The following ZSCAN30 variants were observed in gnomAD, a reference collection of about 807,000 sequenced individuals.
The protein encoded by ZSCAN30 is zinc finger and SCAN domain containing 30.
ZSCAN30 carries 37 observed loss-of-function variants against 44.3 expected under a neutral mutation model. The ratio of observed to expected loss-of-function variants is 0.84; its 90% CI spans 0.64 to 1.10. The LOEUF (loss-of-function observed/expected upper bound fraction) is 1.10, where lower values mean the gene tolerates loss of function less well. Ranked by LOEUF, ZSCAN30 falls within the 50% of genes least tolerant of loss-of-function variation. ZSCAN30 has a pLI of 0.00. For missense variants in ZSCAN30, 549 were observed against 582.6 expected, an observed-to-expected ratio of 0.94 and a Z score of 0.59; for synonymous variants, 181 against 204.6, an observed-to-expected ratio of 0.88 and a Z score of 0.98.
At chr18:35,254,592 T>A in intron 3 of ZSCAN30, 1 of 790,928 alleles carries the variant, frequency 1.3e-6, no homozygotes. Flanking sequence ...AATGAATTAG[T>A]ATTGGAGAAG....
At chr18:35,282,196 TTA>T (rs2044467393) in intron 1 of ZSCAN30, 1 of 152,240 alleles carries the variant, frequency 6.6e-6, no homozygotes, top group Admixed American at 6.5e-5. Context: ...ATAGTTAACT[TTA>T]TATGTCAGTA....
Position 35,276,768 on chromosome 18 carries a change from T to C in ZSCAN30, c.-103-12313A>G, listed in dbSNP as rs937394136. Among the ~76,000 whole-genome samples the C allele has an allele frequency of 2.6e-5, 4 of 152,140 alleles. No individual in the cohort carries two copies. In the East Asian group the frequency reaches 7.7e-4, roughly 29 times the overall value. On this transcript the variant is annotated intron_variant, in intron 1 of 3. Transcript: ENST00000333206. ...CTGCTAGAGCAGTATGGAAGGGAAA[T>C]GTGGGGATGGAGTCCCCACACAGAG...
intron 3 of ZSCAN30, chr18:35,262,738 A>C (rs2044052538): frequency 6.6e-6 from 1 of 152,304 alleles, no homozygotes; most frequent in Admixed American, 6.5e-5. Flanking sequence ...CCAGCTCAGC[A>C]CTGCAGTGGC....
At position 35,253,728 on chromosome 18, in the gene ZSCAN30, G is replaced by C; in HGVS notation, c.1207C>G (p.His403Asp). 1 of 1,614,096 alleles carries C rather than the reference G, an allele frequency of 6.2e-7. No individual in the cohort carries two copies. The highest frequency in any genetic ancestry group is 1.1e-5 in the South Asian group (1 of 91,078). The change falls in exon 4 of 4, where the codon CAT (histidine) becomes GAT (aspartate). Residue 403 changes from histidine to aspartate, a missense_variant. Physicochemically the swap from His to Asp is moderately conservative, Grantham distance 81. Coordinates refer to ENST00000333206, the MANE Select transcript of ZSCAN30 (RefSeq NM_001112734.4). ...AFSRSSALIQHKKIHTGDKSY... is the reference protein window; with the variant it reads ...AFSRSSALIQDKKIHTGDKSY... ...TTATCTCCAGTGTGAATTTTCTTAT[G>C]CTGAATAAGGGCTGAGCTCCGGCTG...
At chr18:35,257,594 G>C in intron 3 of ZSCAN30, 1 of 323,856 alleles carries the variant, frequency 3.1e-6, no homozygotes, top group Non-Finnish European at 5.7e-6. Context: ...TCAGCCTCCA[G>C]AACTGTGAGA....
rs2043640549 is a variant in ZSCAN30 at position 35,252,662 on chromosome 18, A to AGACCAGAT, written c.*780_*787dup. ...ATCCAGGAAGTCTTTAGTGACTCAT[A>AGACCAGAT]GACCAGATTTAGGTATCCCTGCCAT... On this transcript the variant is annotated 3_prime_UTR_variant, in exon 4 of 4. Transcript: ENST00000333206. The AGACCAGAT allele has an allele frequency of 2.0e-5, 3 of 152,190 alleles. No individual in the cohort carries two copies. Among genetic ancestry groups the AGACCAGAT allele is most frequent in the Admixed American group, 2.0e-4 (3 of 15,280 alleles). 9.4% of individuals were successfully genotyped at this position (152,190 alleles called of 1,614,324 possible).
chr18:35,262,470 G>GACT, intron 3 of ZSCAN30: 1 of 152,304 alleles, frequency 6.6e-6, no homozygotes, highest in South Asian at 2.1e-4. Context: ...TGTGATACTG[G>GACT]ACTATTTGCC....
chr18:35,288,539 C>A (rs2044594037), intron 1 of ZSCAN30, among the ~76,000 whole-genome samples: 1 of 152,074 alleles, frequency 6.6e-6, no homozygotes, highest in Non-Finnish European at 1.5e-5. Context: ...ACAGTAAAAA[C>A]CTGGAATAAC....
chr18:35,262,969 C>A, intron 3 of ZSCAN30: 1 of 167,932 alleles, frequency 6.0e-6, no homozygotes, highest in Non-Finnish European at 1.3e-5. Context: ...ATTAAACTTT[C>A]CCTGTTCAAA....
chr18:35,274,192 G>A (rs1188071079), intron 1 of ZSCAN30, among the ~76,000 whole-genome samples: 3 of 152,130 alleles, frequency 2.0e-5, no homozygotes, highest in African/African-American at 7.2e-5. Context: ...ATTTTTGGGG[G>A]CTTTTTTTTG....
intron 1 of ZSCAN30, chr18:35,289,569 A>G (rs2044617002): frequency 1.3e-5 from 2 of 152,078 alleles, no homozygotes; most frequent in African/African-American, 4.8e-5. Context: ...TCATTTCCCA[A>G]GATATTTCCA....
chr18:35,253,637 CT>C lies in ZSCAN30; in HGVS notation c.1297del (p.Arg433GlufsTer117). 6.2e-7 allele frequency: 1 copy of C among 1,614,164 alleles called. No individual in the cohort carries two copies. The highest frequency in any genetic ancestry group is 8.5e-7 in the Non-Finnish European group (1 of 1,180,020). On this transcript the variant is annotated frameshift_variant, in exon 4 of 4. Coordinates refer to ENST00000333206, the MANE Select transcript of ZSCAN30 (RefSeq NM_001112734.4). LOFTEE classifies it high-confidence loss of function. ...GRSSILIEHQ[R>X]IHTGEKPYEC... ...ATAAGGTTTCTCTCCAGTGTGAATT[CT>C]TTGATGTTCAATAAGGATAGAACTC...
rs776303797 is a variant in ZSCAN30, at chr18:35,253,663, C to A, written c.1272G>T (p.Arg424Ser). 1 of 1,614,024 alleles carries A rather than the reference C, an allele frequency of 6.2e-7. No homozygotes were observed. The highest frequency in any genetic ancestry group is 1.1e-5 in the South Asian group (1 of 91,066). ...ECIACGKAFG[R>S]SSILIEHQRI... ...TTTGATGTTCAATAAGGATAGAACT[C>A]CTACCAAAAGCCTTACCACATGCAA... The change falls in exon 4 of 4, where the codon AGG becomes AGT. Residue 424 changes from arginine (R) to serine (S), a missense_variant. By Grantham distance (110) the Arg-to-Ser change is moderately radical. Coordinates refer to ENST00000333206, the MANE Select transcript of ZSCAN30 (RefSeq NM_001112734.4).
At position 35,254,278 on chromosome 18, in the gene ZSCAN30, TG is replaced by T. The variant is rs1330406348; in HGVS notation, c.656del (p.Thr219AsnfsTer6). On this transcript the variant is annotated frameshift_variant, in exon 4 of 4. Coordinates refer to ENST00000333206, the MANE Select transcript of ZSCAN30 (RefSeq NM_001112734.4). LOFTEE classifies it high-confidence loss of function. ...MISPGKLPGE[T>X]HSQRIAEEAL... ...CTTCTTCAGCTATCCGTTGGGAATG[TG>T]TTTCTCCAGGAAGTTTTCCCGGCGA... The T allele has an allele frequency of 2.5e-6, 4 of 1,614,176 alleles. No homozygotes were observed. Among genetic ancestry groups the T allele is most frequent in the Non-Finnish European group, 3.4e-6 (4 of 1,179,992 alleles).
Position 35,263,647 on chromosome 18 carries a change from T to C in ZSCAN30, c.419A>G (p.His140Arg), listed in dbSNP as rs779654832. ...TTCCTGCCAGAACATTTCTTGGCCA[T>C]GAGTTGTGTCCTAGGAGTAATCAAG... ...LEEPRQQDTT[H>R]GQEMFWQEMT... The change falls in exon 3 of 4, where the codon CAT becomes CGT. Residue 140 changes from histidine (H) to arginine (R), a missense_variant. Physicochemically the swap from His to Arg is conservative, Grantham distance 29. Transcript: ENST00000333206. 3 of 1,614,162 alleles carry C rather than the reference T, an allele frequency of 1.9e-6. No individual in the cohort carries two copies. The highest frequency in any genetic ancestry group is 2.5e-6 in the Non-Finnish European group (3 of 1,180,036).
chr18:35,260,840 G>C (rs913620895), intron 3 of ZSCAN30: 2 of 152,022 alleles, frequency 1.3e-5, no homozygotes, highest in African/African-American at 4.8e-5. Context: ...CTTTTGCTGT[G>C]CAAAAGCTCT....
chr18:35,272,983 T>C (rs772950173), intron 1 of ZSCAN30, among the ~76,000 whole-genome samples: 8 of 152,202 alleles, frequency 5.3e-5, no homozygotes, highest in Admixed American at 2.6e-4. Context: ...ACCACCCCCA[T>C]GATTTAATTA....
Position 35,263,333 on chromosome 18 carries a change from A to C in ZSCAN30, c.553+180T>G, listed in dbSNP as rs936476409. On this transcript the variant is annotated intron_variant, in intron 3 of 3. Transcript: ENST00000333206. ...AGACTTTAATTCTTAACCCAAAGTT[A>C]CAAATGATACTGGAATTTCAGATTC... 4.5e-6 allele frequency: 3 copies of C among 670,954 alleles called. No individual in the cohort carries two copies. In the African/African-American group the frequency reaches 5.4e-5, roughly 12 times the overall value. 41.6% of individuals were successfully genotyped at this position (670,954 alleles called of 1,614,324 possible). A position where few individuals can be genotyped will look rare whatever the true frequency, so the allele number is the denominator to read the frequency against.
chr18:35,282,417 G>A (rs532197099), intron 1 of ZSCAN30: 3 of 152,286 alleles, frequency 2.0e-5, no homozygotes, highest in South Asian at 4.1e-4. Context: ...AAACATGTAT[G>A]GTACTAAGTT....
Sources: allele counts gnomAD v4.1 joint callset (sites outside exome capture counted in the v4.1 genomes callset), GRCh38; gene constraint gnomAD v4.1.1; transcripts MANE v1.5; gene names NCBI Gene and HGNC (gene_info 2026-07-23, HGNC 2026-07-21).